SETBP1: variants seen among roughly 807,000 people sequenced by gnomAD.
SETBP1 encodes SET-binding protein.
Under a neutral mutation model 101.0 loss-of-function variants are expected in SETBP1, and 9 were observed. The observed-to-expected ratio is 0.09, with a 90% confidence interval of 0.05 to 0.16. The LOEUF is 0.16. Among genes scored for constraint, SETBP1 ranks in the 10% least tolerant of loss-of-function variants. SETBP1 has a pLI of 1.00. For missense variants in SETBP1, 1,858 were observed against 2,033.8 expected (o/e 0.91, Z 1.66); for synonymous variants, 818 against 788.5 (o/e 1.04, Z -0.63).
At chr18:44,935,537 C>A (rs2070938937) in intron 3 of SETBP1, among the ~76,000 whole-genome samples, 1 of 152,144 alleles carries the variant, frequency 6.6e-6, no homozygotes, top group South Asian at 2.1e-4. Context: ...TGAGACAAAG[C>A]TGAACAATTT....
intron 4 of SETBP1, among the ~76,000 whole-genome samples, chr18:44,997,032 TA>T (rs1481304969): frequency 6.6e-6 from 1 of 152,158 alleles, no homozygotes; most frequent in Non-Finnish European, 1.5e-5. Flanking sequence ...ACACTTGCCA[TA>T]ACACAGGTGG....
intron 2 of SETBP1, among the ~76,000 whole-genome samples, chr18:44,751,011 A>C (rs777755738): frequency 2.0e-5 from 3 of 152,192 alleles, no homozygotes; most frequent in Non-Finnish European, 4.4e-5. Flanking sequence ...CAGTATGAGC[A>C]AACTTAAGTG....
At chr18:44,702,520 A>G (rs978305066) in intron 2 of SETBP1, among the ~76,000 whole-genome samples, 4 of 152,216 alleles carry the variant, frequency 2.6e-5, no homozygotes, top group Non-Finnish European at 5.9e-5. Context: ...GTTCCTGTTT[A>G]TTGTATAACA....
chr18:44,777,908 G>A (rs960818804), intron 2 of SETBP1, among the ~76,000 whole-genome samples: 10 of 152,206 alleles, frequency 6.6e-5, no homozygotes, highest in African/African-American at 2.4e-4. Flanking sequence ...CTGTGCAAAA[G>A]CAGAGACGGG....
chr18:44,986,444 TA>T (rs1028052361), intron 4 of SETBP1: 2 of 152,230 alleles, frequency 1.3e-5, no homozygotes, highest in Middle Eastern at 3.4e-3. Context: ...ACTAAATGTA[TA>T]AAAAAATTTC....
intron 3 of SETBP1, among the ~76,000 whole-genome samples, chr18:44,905,478 A>C (rs541925724): frequency 6.6e-6 from 1 of 152,346 alleles, no homozygotes; most frequent in South Asian, 2.1e-4. Flanking sequence ...ATACTCAGTA[A>C]CTATGTCTGG....
At chr18:44,794,651 G>A (rs1299734236) in intron 2 of SETBP1, among the ~76,000 whole-genome samples, 1 of 152,140 alleles carries the variant, frequency 6.6e-6, no homozygotes, top group Non-Finnish European at 1.5e-5. Flanking sequence ...CCCTCTTGGT[G>A]TCGTTCTTAC....
At chr18:44,911,766 C>T (rs2070315055) in intron 3 of SETBP1, among the ~76,000 whole-genome samples, 2 of 152,200 alleles carry the variant, frequency 1.3e-5, no homozygotes, top group Admixed American at 6.5e-5. Context: ...CACCCCATAC[C>T]TGTTCCCTAA....
chr18:45,030,824 G>GGTAGTTT (rs1030618196), intron 4 of SETBP1, among the ~76,000 whole-genome samples: 1 of 151,740 alleles, frequency 6.6e-6, no homozygotes, highest in African/African-American at 2.4e-5. Flanking sequence ...ATTCTCTGAT[G>GGTAGTTT]GTAGTTTGTA....
intron 2 of SETBP1, among the ~76,000 whole-genome samples, chr18:44,861,158 C>G (rs1447495495): frequency 6.6e-6 from 1 of 151,956 alleles, no homozygotes; most frequent in Non-Finnish European, 1.5e-5. Flanking sequence ...CCCCAAGGCC[C>G]TTCCATGAAA....
intron 2 of SETBP1, among the ~76,000 whole-genome samples, chr18:44,852,833 T>C (rs1038442070): frequency 4.6e-5 from 7 of 152,208 alleles, no homozygotes; most frequent in Non-Finnish European, 1.0e-4. Flanking sequence ...TGAGTGTATC[T>C]AATTTCTAAT....
At chr18:45,048,832 C>T (rs1055203587) in intron 5 of SETBP1, among the ~76,000 whole-genome samples, 7 of 150,262 alleles carry the variant, frequency 4.7e-5, no homozygotes, top group Non-Finnish European at 1.0e-4. Flanking sequence ...ATTAGCCGGG[C>T]GCGGTGGCGG....
At chr18:44,787,620 C>T (rs1042195943) in intron 2 of SETBP1, among the ~76,000 whole-genome samples, 8 of 148,788 alleles carry the variant, frequency 5.4e-5, no homozygotes, top group Non-Finnish European at 1.0e-4. Flanking sequence ...TTTGGGAGGC[C>T]GAGGCGGGTG....
At chr18:44,787,486 A>C (rs2071262461) in intron 2 of SETBP1, among the ~76,000 whole-genome samples, 1 of 152,222 alleles carries the variant, frequency 6.6e-6, no homozygotes, top group Non-Finnish European at 1.5e-5. Flanking sequence ...TACTGAAAAA[A>C]ATACACAGAC....
intron 2 of SETBP1, among the ~76,000 whole-genome samples, chr18:44,868,524 G>T (rs947909685): frequency 5.9e-5 from 9 of 152,058 alleles, no homozygotes; most frequent in Admixed American, 6.5e-5. Flanking sequence ...GAGAGACCTC[G>T]TCTCTACTAA....
intron 4 of SETBP1, among the ~76,000 whole-genome samples, chr18:45,011,923 G>A (rs759642855): frequency 3.9e-5 from 6 of 152,142 alleles, no homozygotes; most frequent in African/African-American, 9.7e-5. Flanking sequence ...TGTGGTTGTC[G>A]ATGATGTTGT....
intron 4 of SETBP1, among the ~76,000 whole-genome samples, chr18:45,021,435 A>G (rs913973132): frequency 6.6e-6 from 1 of 152,200 alleles, no homozygotes; most frequent in Non-Finnish European, 1.5e-5. Flanking sequence ...TTCTATCTGC[A>G]TATCTGTCCT....
chr18:44,734,740 A>G (rs1264083693), intron 2 of SETBP1, among the ~76,000 whole-genome samples: 1 of 152,106 alleles, frequency 6.6e-6, no homozygotes, highest in Non-Finnish European at 1.5e-5. Context: ...AGTAACAGTC[A>G]TTTCCTGGCA....
At chr18:44,783,826 A>T (rs2071185479) in intron 2 of SETBP1, among the ~76,000 whole-genome samples, 1 of 152,204 alleles carries the variant, frequency 6.6e-6, no homozygotes, top group African/African-American at 2.4e-5. Flanking sequence ...TCAGGCCTGG[A>T]TGTTGAGACT....
Sources: gnomAD v4.1 joint callset for allele counts (sites outside exome capture counted in the v4.1 genomes callset) on GRCh38, gnomAD v4.1.1 for gene constraint, MANE v1.5 for transcripts, NCBI Gene and HGNC (gene_info 2026-07-23, HGNC 2026-07-21) for gene names.